Variants in TDRD9 observed in about 807,000 individuals in gnomAD.
The protein encoded by TDRD9 is tudor domain containing 9.
Under a neutral mutation model 172.6 loss-of-function variants are expected in TDRD9, and 124 were observed. That is an observed-to-expected ratio of 0.72 (90% CI 0.62 to 0.83). TDRD9 has a LOEUF of 0.83. TDRD9 is among the 40% of genes least tolerant of loss of function. The pLI, the probability that TDRD9 is intolerant of heterozygous loss-of-function variation, is 0.00. For synonymous variants in TDRD9, 619 were observed against 617.1 expected, an observed-to-expected ratio of 1.00 and a Z score of -0.05; for missense variants, 1,479 against 1,714.1, an observed-to-expected ratio of 0.86 and a Z score of 2.42.
intron 1 of TDRD9, chr14:103,940,565 A>C (rs1025362264): frequency 7.8e-6 from 3 of 383,248 alleles, no homozygotes; most frequent in Non-Finnish European, 1.4e-5. Flanking sequence ...TTTGAGGTAT[A>C]AGAAAATACT....
chr14:104,011,591 A>G (rs2034614706), intron 20 of TDRD9, among the ~76,000 whole-genome samples: 1 of 152,212 alleles, frequency 6.6e-6, no homozygotes, highest in Non-Finnish European at 1.5e-5. Context: ...CTGGATTCTA[A>G]TTCTTCTGGA....
At chr14:104,004,454 C>G in intron 14 of TDRD9, 119 bp downstream of exon 14, 1 of 533,886 alleles carries the variant, frequency 1.9e-6, no homozygotes. Context: ...GATCTTGGCT[C>G]ACTGCAATCT....
chr14:104,042,022 A>C, intron 33 of TDRD9, 47 bp from the exon 34 acceptor site: 1 of 1,196,380 alleles, frequency 8.4e-7, no homozygotes. Context: ...GATGAAATTC[A>C]GTTACGACGG....
chr14:103,928,851 G>C (rs2030158936), intron 1 of TDRD9, 127 bp downstream of exon 1: 1 of 290,184 alleles, frequency 3.4e-6, no homozygotes, highest in African/African-American at 2.3e-5. Context: ...ACCCCTGACC[G>C]TCCAGGGCGA....
chr14:104,001,377 C>G (rs542811992), intron 13 of TDRD9, among the ~76,000 whole-genome samples: 1 of 152,364 alleles, frequency 6.6e-6, no homozygotes, highest in East Asian at 1.9e-4. Flanking sequence ...TAGGAGCCAT[C>G]TAAGCCAATA....
At chr14:103,987,895 G>A (rs1595951662) in intron 8 of TDRD9, among the ~76,000 whole-genome samples, 1 of 152,108 alleles carries the variant, frequency 6.6e-6, no homozygotes, top group Non-Finnish European at 1.5e-5. Context: ...AATCTTTTCT[G>A]TCAGTTTTTG....
chr14:103,930,254 T>C (rs2152112042), intron 1 of TDRD9, among the ~76,000 whole-genome samples: 1 of 152,136 alleles, frequency 6.6e-6, no homozygotes, highest in South Asian at 2.1e-4. Context: ...TGGCGCAATG[T>C]TGGCTCACCA....
At chr14:103,950,795 A>G (rs2031833422) in intron 1 of TDRD9, among the ~76,000 whole-genome samples, 1 of 152,236 alleles carries the variant, frequency 6.6e-6, no homozygotes, top group African/African-American at 2.4e-5. Context: ...AGAGCCAGGG[A>G]AGGCCATGAA....
chr14:103,990,965 C>T (rs2033840934), intron 8 of TDRD9, among the ~76,000 whole-genome samples, 195 bp from the exon 9 acceptor site: 1 of 152,038 alleles, frequency 6.6e-6, no homozygotes, highest in African/African-American at 2.4e-5. Context: ...GGCTTAAGTC[C>T]CCTGAATGAC....
chr14:104,009,831 T>C (rs1173455024), intron 20 of TDRD9, among the ~76,000 whole-genome samples: 1 of 152,120 alleles, frequency 6.6e-6, no homozygotes, highest in Non-Finnish European at 1.5e-5. Context: ...AATGGCATGA[T>C]CACAGCTCAT....
chr14:104,052,507 A>G lies in TDRD9; in HGVS notation c.*425A>G, dbSNP rs2035962228. The stretch of plus-strand genomic sequence containing the variant: ...GGAAAAAACTTAAAAAAACAAAAAA[A>G]CCATGTAGTATTTTCTGATTTTTTT... On this transcript the variant is annotated 3_prime_UTR_variant, in exon 36 of 36. Transcript: ENST00000409874. 6.5e-6 allele frequency: 1 copy of G among 152,724 alleles called. No homozygotes were observed. The highest frequency in any genetic ancestry group is 2.1e-4 in the South Asian group (1 of 4,866). 9.5% of individuals were successfully genotyped at this position (152,724 alleles called of 1,614,324 possible).
At chr14:103,948,705 AC>A (rs1220900337) in intron 1 of TDRD9, among the ~76,000 whole-genome samples, 1 of 152,120 alleles carries the variant, frequency 6.6e-6, no homozygotes, top group African/African-American at 2.4e-5. Context: ...TAAGCCAGTC[AC>A]AAAAGGACAG....
intron 1 of TDRD9, among the ~76,000 whole-genome samples, chr14:103,952,611 A>G (rs1467788393): frequency 6.6e-6 from 1 of 150,926 alleles, no homozygotes; most frequent in Non-Finnish European, 1.5e-5. Context: ...AGAAACTGAT[A>G]TTGAATTTCT....
chr14:103,992,261 A>G (rs2033896864), intron 9 of TDRD9, among the ~76,000 whole-genome samples: 2 of 152,226 alleles, frequency 1.3e-5, no homozygotes, highest in Admixed American at 6.5e-5. Context: ...AATAATTCAA[A>G]TATTTTCTGT....
intron 32 of TDRD9, among the ~76,000 whole-genome samples, chr14:104,038,866 C>T (rs925543415): frequency 1.3e-5 from 2 of 152,108 alleles, no homozygotes; most frequent in East Asian, 1.9e-4. Context: ...GAAGGGGTTT[C>T]GCCCTGTTGG....
At chr14:103,989,620 A>C (rs1441776361) in intron 8 of TDRD9, among the ~76,000 whole-genome samples, 1 of 152,206 alleles carries the variant, frequency 6.6e-6, no homozygotes, top group Non-Finnish European at 1.5e-5. Flanking sequence ...TCATGATGGA[A>C]TCAACCTGTC....
At chr14:103,993,256 G>A (rs1196286681) in intron 9 of TDRD9, among the ~76,000 whole-genome samples, 2 of 152,132 alleles carry the variant, frequency 1.3e-5, no homozygotes, top group African/African-American at 2.4e-5. Flanking sequence ...GCCTCCCAAA[G>A]TGTTGGGATT....
intron 1 of TDRD9, 35 bp from the exon 2 acceptor site, chr14:103,955,629 G>T: frequency 6.6e-7 from 1 of 1,503,794 alleles, no homozygotes; most frequent in Non-Finnish European, 9.0e-7. Context: ...TTGGCTTTTT[G>T]GAAATAGTAT....
rs762207673 is a variant in TDRD9, at chr14:104,022,347, G to A, written c.2606+17G>A. ...GAACACAAGGTATTTTCGGGAGGGA[G>A]GTGGCAGACAGGCCGTGCCTGCTTT... On this transcript the variant is annotated intron_variant, in intron 24 of 35. Coordinates refer to ENST00000409874, the MANE Select transcript of TDRD9 (RefSeq NM_153046.3). The A allele has an allele frequency of 6.2e-7, 1 of 1,606,082 alleles. No individual in the cohort carries two copies. The highest frequency in any genetic ancestry group is 2.2e-5 in the East Asian group (1 of 44,666).
Sources: gnomAD v4.1 joint callset for allele counts (sites outside exome capture counted in the v4.1 genomes callset) on GRCh38, gnomAD v4.1.1 for gene constraint, MANE v1.5 for transcripts, NCBI Gene and HGNC (gene_info 2026-07-23, HGNC 2026-07-21) for gene names.